Variants in PRKN observed in about 807,000 individuals in gnomAD.
PRKN encodes the protein E3 ubiquitin-protein ligase parkin.
PRKN carries 56 observed loss-of-function variants against 59.5 expected under a neutral mutation model. The ratio of observed to expected loss-of-function variants is 0.94; its 90% CI spans 0.76 to 1.18. PRKN has a LOEUF of 1.18. Among genes scored for constraint, PRKN ranks in the 50% most tolerant of loss-of-function variants. The pLI, the probability that PRKN is intolerant of heterozygous loss-of-function variation, is 0.00. For missense variants in PRKN, 657 were observed against 596.4 expected (o/e 1.10, Z -1.06); for synonymous variants, 250 against 222.1 (o/e 1.13, Z -1.12).
chr6:161,468,523 A>G lies in PRKN; in HGVS notation c.1083+80331T>C, dbSNP rs947350926. Among the ~76,000 whole-genome samples, 2 of 152,144 alleles carry G rather than the reference A, an allele frequency of 1.3e-5. No individual in the cohort carries two copies. The highest frequency in any genetic ancestry group is 6.5e-5 in the Admixed American group (1 of 15,284). On this transcript the variant is annotated intron_variant, in intron 9 of 11. Transcript: ENST00000366898. This position sits in a 1 kb window ranked among gnomAD's most constrained non-coding sequence, Gnocchi z 5.9. ...CATTTATTGACATGTGCTTATTAAC[A>G]TGTTTAGAAACTTAAAAATGCATTC... is the stretch of plus-strand genomic sequence containing the variant.
At chr6:162,509,269 C>T (rs537113473) in intron 1 of PRKN, among the ~76,000 whole-genome samples, 3 of 152,316 alleles carry the variant, frequency 2.0e-5, no homozygotes, top group South Asian at 2.1e-4. Context: ...TCCTTTCCAA[C>T]CTGGTATCCA....
intron 2 of PRKN, among the ~76,000 whole-genome samples, chr6:162,273,569 G>A (rs1023659261): frequency 2.0e-5 from 3 of 152,116 alleles, no homozygotes; most frequent in African/African-American, 7.2e-5. Context: ...GAAACTATTT[G>A]TATTTATGTT....
chr6:161,952,343 C>T (rs988094307), intron 6 of PRKN, among the ~76,000 whole-genome samples: 3 of 152,156 alleles, frequency 2.0e-5, no homozygotes, highest in South Asian at 2.1e-4. Flanking sequence ...GTCGGCCAGG[C>T]GCCGTGGCTC....
At chr6:162,235,087 A>G (rs1279121310) in intron 3 of PRKN, among the ~76,000 whole-genome samples, 1 of 152,234 alleles carries the variant, frequency 6.6e-6, no homozygotes, top group Non-Finnish European at 1.5e-5. Context: ...TTCTTATACA[A>G]AGGAAACTAG....
intron 1 of PRKN, among the ~76,000 whole-genome samples, chr6:162,561,483 T>C (rs1562387067): frequency 6.6e-6 from 1 of 152,088 alleles, no homozygotes. Context: ...AAACACCTTC[T>C]TAAGAACCAA....
intron 9 of PRKN, among the ~76,000 whole-genome samples, chr6:161,513,041 G>A (rs1778451217): frequency 6.6e-6 from 1 of 152,088 alleles, no homozygotes; most frequent in African/African-American, 2.4e-5. Context: ...CTCTTGCCAC[G>A]GTTTCGATTT....
chr6:162,448,792 C>T (rs924003495), intron 1 of PRKN, among the ~76,000 whole-genome samples: 1 of 148,854 alleles, frequency 6.7e-6, no homozygotes. Flanking sequence ...CTCCCTGGAC[C>T]TTTCTTTCTC....
At chr6:162,306,053 G>C (rs538342639) in intron 2 of PRKN, among the ~76,000 whole-genome samples, 1 of 152,056 alleles carries the variant, frequency 6.6e-6, no homozygotes, top group African/African-American at 2.4e-5. Context: ...TTACACAATT[G>C]GGTTATTTCT....
intron 4 of PRKN, among the ~76,000 whole-genome samples, chr6:162,059,806 A>G (rs1251803098): frequency 6.6e-6 from 1 of 152,146 alleles, no homozygotes; most frequent in African/African-American, 2.4e-5. Flanking sequence ...TTTTAGCAAC[A>G]CTAGCAGGGT....
At chr6:161,639,896 T>C (rs2128157994) in intron 7 of PRKN, among the ~76,000 whole-genome samples, 1 of 152,330 alleles carries the variant, frequency 6.6e-6, no homozygotes, top group Middle Eastern at 3.4e-3. Context: ...TGTGGGGGAC[T>C]GCTGACTGTG....
rs570163575 is a variant in PRKN, at chr6:162,579,175, G to A, written c.8-135702C>T. On this transcript the variant is annotated intron_variant, in intron 1 of 11. Coordinates refer to ENST00000366898, the MANE Select transcript of PRKN (RefSeq NM_004562.3). ...CCATGTGCCCCTCTCCTCCAATCCT[G>A]CGACTCCCAGTCCATTGAATCTATC... is the stretch of plus-strand genomic sequence containing the variant. 8.1e-4 allele frequency among the ~76,000 whole-genome samples: 124 copies of A among 152,222 alleles called. 1 individual carries two copies. The highest frequency in any genetic ancestry group is 1.3e-3 in the Non-Finnish European group (88 of 68,024).
chr6:161,849,972 C>A (rs1174703995), intron 6 of PRKN, among the ~76,000 whole-genome samples: 1 of 152,010 alleles, frequency 6.6e-6, no homozygotes, highest in Non-Finnish European at 1.5e-5. Flanking sequence ...AAAGCCCAGC[C>A]CAGCACAGTC....
At chr6:162,043,379 A>G (rs1361488661) in intron 5 of PRKN, among the ~76,000 whole-genome samples, 1 of 152,224 alleles carries the variant, frequency 6.6e-6, no homozygotes, top group Non-Finnish European at 1.5e-5. Flanking sequence ...ATATATACAC[A>G]GTTAGATAAA....
chr6:162,327,974 T>C (rs1402239523), intron 2 of PRKN, among the ~76,000 whole-genome samples: 1 of 152,092 alleles, frequency 6.6e-6, no homozygotes, highest in African/African-American at 2.4e-5. Flanking sequence ...AGATCCAAGA[T>C]GGGCATGGGC....
chr6:162,533,237 T>C (rs1562362797), intron 1 of PRKN, among the ~76,000 whole-genome samples: 2 of 152,150 alleles, frequency 1.3e-5, no homozygotes. Context: ...AGTAAATACA[T>C]TTATGGCTGG....
At chr6:161,749,476 GC>G (rs1788585087) in intron 7 of PRKN, among the ~76,000 whole-genome samples, 1 of 152,152 alleles carries the variant, frequency 6.6e-6, no homozygotes, top group African/African-American at 2.4e-5. Context: ...CAATTTCTAT[GC>G]AGAAGTGATT....
intron 1 of PRKN, among the ~76,000 whole-genome samples, chr6:162,718,637 T>C (rs1007735107): frequency 6.6e-6 from 1 of 151,534 alleles, no homozygotes; most frequent in Non-Finnish European, 1.5e-5. Flanking sequence ...GGCGTGAACC[T>C]GGGAGGCGGA....
At chr6:161,434,866 GACC>G (rs1170145178) in intron 9 of PRKN, among the ~76,000 whole-genome samples, 1 of 152,070 alleles carries the variant, frequency 6.6e-6, no homozygotes, top group Non-Finnish European at 1.5e-5. Context: ...AACAAAAAAA[GACC>G]ACAAGTTTGG....
At chr6:161,937,550 G>A (rs1169603185) in intron 6 of PRKN, among the ~76,000 whole-genome samples, 1 of 152,184 alleles carries the variant, frequency 6.6e-6, no homozygotes, top group East Asian at 1.9e-4. Flanking sequence ...TTTTGGAAAA[G>A]CGCTCTGAAC....
Sources: allele counts gnomAD v4.1 joint callset (sites outside exome capture counted in the v4.1 genomes callset), GRCh38; gene constraint gnomAD v4.1.1; non-coding constraint Gnocchi (gnomAD v3.1); transcripts MANE v1.5; gene names NCBI Gene and HGNC (gene_info 2026-07-23, HGNC 2026-07-21).